The following MAP2K5 variants were observed in gnomAD, a reference collection of about 807,000 sequenced individuals.
MAP2K5 encodes the protein dual specificity mitogen-activated protein kinase kinase 5.
Under a neutral mutation model 83.1 loss-of-function variants are expected in MAP2K5, and 49 were observed. The observed-to-expected ratio is 0.59, with a 90% CI of 0.47 to 0.75. MAP2K5 has a LOEUF of 0.75. MAP2K5 is among the 30% of genes least tolerant of loss of function. The pLI, the probability that MAP2K5 is intolerant of heterozygous loss-of-function variation, is 0.00. For missense variants in MAP2K5, 457 were observed against 557.5 expected (o/e 0.82, Z 1.82); for synonymous variants, 202 against 191.8 (o/e 1.05, Z -0.44).
At chr15:67,625,896 C>A (rs781677656) in intron 8 of MAP2K5, among the ~76,000 whole-genome samples, 2 of 152,130 alleles carry the variant, frequency 1.3e-5, no homozygotes, top group African/African-American at 4.8e-5. Flanking sequence ...GCTTTCTTGA[C>A]AAGCTAATTA....
In MAP2K5 at chr15:67,577,215, G is replaced by A. The variant is rs936072952; in HGVS notation, c.253-3539G>A. Among the ~76,000 whole-genome samples the A allele has an allele frequency of 1.3e-5, 2 of 152,046 alleles. No homozygotes were observed. The highest frequency in any genetic ancestry group is 2.1e-4 in the South Asian group (1 of 4,814). On this transcript the variant is annotated intron_variant, in intron 3 of 21. Coordinates refer to ENST00000178640, the MANE Select transcript of MAP2K5 (RefSeq NM_145160.3). This position sits in a 1 kb window ranked among gnomAD's most constrained non-coding sequence, Gnocchi z 4.1. Reference sequence around the variant, plus strand: ...CTCCCAAAGTGCTGGGATTACAGGCGTGAGCCACCGTGCCCGGCCAGTAAC... The same window carrying A: ...CTCCCAAAGTGCTGGGATTACAGGCATGAGCCACCGTGCCCGGCCAGTAAC...
At chr15:67,657,575 G>T (rs1376105813) in intron 11 of MAP2K5, among the ~76,000 whole-genome samples, 1 of 151,648 alleles carries the variant, frequency 6.6e-6, no homozygotes, top group Non-Finnish European at 1.5e-5. Flanking sequence ...TATCTTCCCA[G>T]TAGCACCGAG....
In MAP2K5 at chr15:67,770,575, G is replaced by A. The variant is rs1428786633; in HGVS notation, c.1196+912G>A. On this transcript the variant is annotated intron_variant, in intron 20 of 21. Coordinates refer to ENST00000178640, the MANE Select transcript of MAP2K5 (RefSeq NM_145160.3). The surrounding 1 kb of genome is among the most constrained non-coding windows in gnomAD (Gnocchi z 5.0). ...TTTCCCTCCTTCACCAAAGTCCAGA[G>A]TCATGTCCACTGGTGGAAAATGAAT... Among the ~76,000 whole-genome samples, 1 of 152,184 alleles carries A rather than the reference G, an allele frequency of 6.6e-6. No individual in the cohort carries two copies. The highest frequency in any genetic ancestry group is 1.5e-5 in the Non-Finnish European group (1 of 68,032).
rs762506312 is a variant in MAP2K5, at chr15:67,563,250, A to G, written c.185-33A>G. The stretch of plus-strand genomic sequence containing the variant: ...CCCTTTGTGCATTAAACAAATGCAC[A>G]CCTTATCATTTGCATTATGTGCTTT... On this transcript the variant is annotated intron_variant, in intron 2 of 21. Coordinates refer to ENST00000178640, the MANE Select transcript of MAP2K5 (RefSeq NM_145160.3). This position sits in a 1 kb window ranked among gnomAD's most constrained non-coding sequence, Gnocchi z 4.5. 1.9e-6 allele frequency: 3 copies of G among 1,601,200 alleles called. No homozygotes were observed. Among genetic ancestry groups the G allele is most frequent in the South Asian group, 1.1e-5 (1 of 88,812 alleles).
At position 67,758,618 on chromosome 15, in the gene MAP2K5, T is replaced by TC. The variant is rs1263208268; in HGVS notation, c.1134+10018dup. Among the ~76,000 whole-genome samples, 1 of 152,208 alleles carries TC rather than the reference T, an allele frequency of 6.6e-6. No individual in the cohort carries two copies. Among genetic ancestry groups the TC allele is most frequent in the Non-Finnish European group, 1.5e-5 (1 of 68,044 alleles). ...TGCATAAATCTCAACACTTTTTTTT[T>TC]CAAGACCTCAGAAATACAAATCCAA... On this transcript the variant is annotated intron_variant, in intron 19 of 21. Transcript: ENST00000178640. This position sits in a 1 kb window ranked among gnomAD's most constrained non-coding sequence, Gnocchi z 4.7.
chr15:67,803,065 T>G (rs1474939879), intron 21 of MAP2K5, among the ~76,000 whole-genome samples: 2 of 152,200 alleles, frequency 1.3e-5, no homozygotes, highest in Non-Finnish European at 2.9e-5. Flanking sequence ...TTCAGCACAA[T>G]GGAGATGCAT....
intron 8 of MAP2K5, among the ~76,000 whole-genome samples, chr15:67,612,624 G>A (rs930213585): frequency 1.1e-4 from 16 of 152,052 alleles, no homozygotes; most frequent in African/African-American, 3.9e-4. Flanking sequence ...GTCTCTCCTG[G>A]TTTCTTTTGA....
intron 19 of MAP2K5, among the ~76,000 whole-genome samples, chr15:67,767,515 G>T (rs1340487888): frequency 6.6e-6 from 1 of 152,176 alleles, no homozygotes; most frequent in East Asian, 1.9e-4. Flanking sequence ...CTTCCTCACT[G>T]ATCAGAGTCC....
intron 19 of MAP2K5, among the ~76,000 whole-genome samples, chr15:67,766,777 T>G (rs2090049675): frequency 6.6e-6 from 1 of 152,188 alleles, no homozygotes; most frequent in South Asian, 2.1e-4. Flanking sequence ...GTATATTCCT[T>G]TGCTTTCCTT....
intron 21 of MAP2K5, among the ~76,000 whole-genome samples, chr15:67,805,403 C>T (rs2090783043): frequency 2.0e-5 from 3 of 152,220 alleles, no homozygotes; most frequent in South Asian, 4.1e-4. Context: ...CCCCTGCAGG[C>T]GCTGAGGTTG....
chr15:67,611,309 C>A (rs1243236975), intron 8 of MAP2K5, among the ~76,000 whole-genome samples: 1 of 152,080 alleles, frequency 6.6e-6, no homozygotes, highest in Non-Finnish European at 1.5e-5. Context: ...TTACCATAGA[C>A]ACATGTACCG....
Position 67,770,760 on chromosome 15 carries a change from A to G in MAP2K5, c.1196+1097A>G, listed in dbSNP as rs1253827600. Among the ~76,000 whole-genome samples the G allele has an allele frequency of 6.6e-6, 1 of 152,226 alleles. No homozygotes were observed. The highest frequency in any genetic ancestry group is 1.9e-4 in the East Asian group (1 of 5,200). On this transcript the variant is annotated intron_variant, in intron 20 of 21. Transcript: ENST00000178640. This position sits in a 1 kb window ranked among gnomAD's most constrained non-coding sequence, Gnocchi z 5.0. Reference sequence around the variant, plus strand: ...GGGAAACCAAGAAATATTCCTTAATATAAATGTCAAGCTTTATCACCTTTT... The same window carrying G: ...GGGAAACCAAGAAATATTCCTTAATGTAAATGTCAAGCTTTATCACCTTTT...
chr15:67,795,059 T>C (rs2141337792), intron 21 of MAP2K5, among the ~76,000 whole-genome samples: 1 of 152,370 alleles, frequency 6.6e-6, no homozygotes, highest in East Asian at 1.9e-4. Context: ...ACACTCCCTT[T>C]CTGCTGTTGT....
At chr15:67,611,624 C>T (rs937080179) in intron 8 of MAP2K5, among the ~76,000 whole-genome samples, 9 of 152,122 alleles carry the variant, frequency 5.9e-5, no homozygotes, top group African/African-American at 1.7e-4. Context: ...CACTAGGTAT[C>T]GTCATCCTCA....
chr15:67,543,323 T>C lies in MAP2K5; in HGVS notation c.-13T>C. 1 of 1,614,144 alleles carries C rather than the reference T, an allele frequency of 6.2e-7. No homozygotes were observed. On this transcript the variant is annotated 5_prime_UTR_variant, in exon 1 of 22. Transcript: ENST00000178640. This position sits in a 1 kb window ranked among gnomAD's most constrained non-coding sequence, Gnocchi z 4.3. ...TTTCCCATACCCCAGGATGTGAGCCTCTTTAACCTGTAATGCTGTGGCTAG... is the reference window on the plus strand; with the variant it reads ...TTTCCCATACCCCAGGATGTGAGCCCCTTTAACCTGTAATGCTGTGGCTAG...
chr15:67,653,289 T>A (rs1034434786), intron 11 of MAP2K5, among the ~76,000 whole-genome samples: 1 of 296 alleles, frequency 3.4e-3, no homozygotes, highest in African/African-American at 4.1e-3. Flanking sequence ...TTTAAAATAT[T>A]TTTTTTTTTT....
chr15:67,623,785 C>T (rs1008427527), intron 8 of MAP2K5, among the ~76,000 whole-genome samples: 2 of 151,642 alleles, frequency 1.3e-5, no homozygotes, highest in African/African-American at 2.4e-5. Context: ...TTAATAGAGA[C>T]GGGGTTTCTC....
At chr15:67,731,867 C>T (rs2089231661) in intron 17 of MAP2K5, among the ~76,000 whole-genome samples, 1 of 152,110 alleles carries the variant, frequency 6.6e-6, no homozygotes, top group Non-Finnish European at 1.5e-5. Context: ...GCCCTCTCTG[C>T]CCTAGGGAGG....
intron 17 of MAP2K5, among the ~76,000 whole-genome samples, chr15:67,743,933 G>A (rs2089548527): frequency 6.6e-6 from 1 of 152,170 alleles, no homozygotes; most frequent in East Asian, 1.9e-4. Flanking sequence ...TAGAATCCCA[G>A]GGGTCTTTCT....
Sources: allele counts gnomAD v4.1 joint callset (sites outside exome capture counted in the v4.1 genomes callset), GRCh38; gene constraint gnomAD v4.1.1; non-coding constraint Gnocchi (gnomAD v3.1); transcripts MANE v1.5; gene names NCBI Gene and HGNC (gene_info 2026-07-23, HGNC 2026-07-21).